The following ZSCAN25 variants were observed in gnomAD, a reference collection of about 807,000 sequenced individuals.
ZSCAN25 encodes zinc finger and SCAN domain containing 25, also known as zinc finger and SCAN domain-containing protein 25.
Under a neutral mutation model 38.7 loss-of-function variants are expected in ZSCAN25, and 27 were observed. The ratio of observed to expected loss-of-function variants is 0.70; its 90% CI spans 0.51 to 0.96. The LOEUF (loss-of-function observed/expected upper bound fraction) is 0.96. Among genes scored for constraint, ZSCAN25 ranks in the 40% least tolerant of loss-of-function variants. ZSCAN25 has a pLI of 0.00. For missense variants in ZSCAN25, 637 were observed against 705.9 expected (o/e 0.90, Z 1.11); for synonymous variants, 273 against 277.7 (o/e 0.98, Z 0.17).
chr7:99,648,594 C>T, the ZSCAN25 span, among the ~76,000 whole-genome samples: 2 of 151,890 alleles, frequency 1.3e-5, no homozygotes, highest in Non-Finnish European at 2.9e-5. Flanking sequence ...ACTCACCATC[C>T]ATCGTTTAAC....
At chr7:99,700,932 G>A in the ZSCAN25 span, among the ~76,000 whole-genome samples, 1 of 152,178 alleles carries the variant, frequency 6.6e-6, no homozygotes, top group African/African-American at 2.4e-5. Context: ...ATAATAGAAG[G>A]CATGTTCTGC....
the ZSCAN25 span, among the ~76,000 whole-genome samples, chr7:99,718,438 A>G: frequency 6.6e-6 from 1 of 151,548 alleles, no homozygotes; most frequent in African/African-American, 2.4e-5. Flanking sequence ...CATGCTTGAA[A>G]CTCTCTTTCA....
chr7:99,637,514 G>A, the ZSCAN25 span, among the ~76,000 whole-genome samples: 1 of 152,104 alleles, frequency 6.6e-6, no homozygotes, highest in Non-Finnish European at 1.5e-5. Flanking sequence ...TACGTTATGG[G>A]GAACTTGGGT....
chr7:99,674,652 G>A, the ZSCAN25 span: 10 of 1,387,806 alleles, frequency 7.2e-6, no homozygotes, highest in African/African-American at 2.9e-5. Flanking sequence ...CTCTAATTGG[G>A]GCTGAAAACA....
At chr7:99,651,642 C>T in the ZSCAN25 span, among the ~76,000 whole-genome samples, 1 of 152,144 alleles carries the variant, frequency 6.6e-6, no homozygotes, top group Non-Finnish European at 1.5e-5. Context: ...CAGGTAGGGG[C>T]TAATGAAAGT....
chr7:99,623,242 T>C (rs923059657), intron 6 of ZSCAN25, among the ~76,000 whole-genome samples: 1 of 152,226 alleles, frequency 6.6e-6, no homozygotes, highest in Non-Finnish European at 1.5e-5. Flanking sequence ...TTGGAAACTT[T>C]CCTGTCCCCT....
At chr7:99,719,804 C>G in the ZSCAN25 span, among the ~76,000 whole-genome samples, 1 of 152,040 alleles carries the variant, frequency 6.6e-6, no homozygotes, top group South Asian at 2.1e-4. Flanking sequence ...TCAAGACCAG[C>G]CTGGCCAATA....
chr7:99,655,240 T>C, the ZSCAN25 span, among the ~76,000 whole-genome samples: 1 of 152,244 alleles, frequency 6.6e-6, no homozygotes, highest in African/African-American at 2.4e-5. Flanking sequence ...TAATCCATCT[T>C]GAATTAATTT....
rs1806965501 is a variant in ZSCAN25, at chr7:99,621,579, G to GT, written c.589+6dup. ...CACGGGCCTTCCAGGAGCAAGGTGA[G>GT]TAAGACGCAGATAGTGGGGATGTCA... On this transcript the variant is annotated splice_donor_region_variant and intron_variant, in intron 5 of 7. Transcript: ENST00000394152. 2.8e-6 allele frequency: 4 copies of GT among 1,425,608 alleles called. No individual in the cohort carries two copies. Among genetic ancestry groups the GT allele is most frequent in the African/African-American group, 2.9e-5 (2 of 70,100 alleles). 88.3% of individuals were successfully genotyped at this position (1,425,608 alleles called of 1,614,324 possible).
chr7:99,624,026 C>G, intron 6 of ZSCAN25, 31 bp from the exon 7 acceptor site: 1 of 1,613,968 alleles, frequency 6.2e-7, no homozygotes, highest in Non-Finnish European at 8.5e-7. Context: ...AGGATTCTTT[C>G]TTTATTCATA....
the ZSCAN25 span, chr7:99,647,358 A>C: frequency 2.6e-6 from 1 of 389,040 alleles, no homozygotes; most frequent in Non-Finnish European, 3.5e-6. Context: ...CAACCCACCT[A>C]ATGGCTTTAG....
rs1178479653 is a variant in ZSCAN25, at chr7:99,621,406, A to G, written c.421A>G (p.Thr141Ala). ...CCACAGGCAGGGAGAGCAGGAGGAA[A>G]CAGCACTTTGCAGAGGCGCTTGGGA... ...PCHRQGEQEE[T>A]ALCRGAWEPG... Residue 141 changes from threonine to alanine, a missense_variant, in exon 5 of 8, where the codon ACA becomes GCA. Physicochemically the swap from Thr to Ala is moderately conservative, Grantham distance 58 (BLOSUM62 0). Transcript: ENST00000394152. The G allele has an allele frequency of 1.3e-6, 2 of 1,493,654 alleles. No individual in the cohort carries two copies. Among genetic ancestry groups the G allele is most frequent in the Non-Finnish European group, 1.8e-6 (2 of 1,111,158 alleles). The allele number at this position is 1,493,654 out of a possible 1,614,324, so 92.5% of individuals were successfully genotyped here. A position where few individuals can be genotyped will look rare whatever the true frequency, so the allele number is the denominator to read the frequency against.
the ZSCAN25 span, chr7:99,663,346 C>A: frequency 1.0e-6 from 1 of 993,666 alleles, no homozygotes; most frequent in Non-Finnish European, 1.2e-6. Context: ...TTCTCAAACT[C>A]TATATAATCT....
chr7:99,720,194 A>C, the ZSCAN25 span: 11 of 1,235,710 alleles, frequency 8.9e-6, no homozygotes, highest in Non-Finnish European at 1.3e-5. Flanking sequence ...GGGCAGGATG[A>C]AGTGTACATG....
chr7:99,660,575 G>C, the ZSCAN25 span: 1 of 1,613,964 alleles, frequency 6.2e-7, no homozygotes, highest in South Asian at 1.1e-5. Flanking sequence ...TTCATATAAA[G>C]TGAAGGAAAG....
the ZSCAN25 span, among the ~76,000 whole-genome samples, chr7:99,707,451 G>A: frequency 1.3e-5 from 2 of 152,186 alleles, no homozygotes; most frequent in African/African-American, 4.8e-5. Flanking sequence ...CAAGTTCTGG[G>A]AAGGAAGAGC....
chr7:99,646,262 A>G, the ZSCAN25 span, among the ~76,000 whole-genome samples: 87 of 152,280 alleles, frequency 5.7e-4, no homozygotes, highest in Non-Finnish European at 7.1e-4. Flanking sequence ...ATATCTTTCT[A>G]TGTTTTTGTG....
At chr7:99,691,710 T>A in the ZSCAN25 span, among the ~76,000 whole-genome samples, 3 of 152,216 alleles carry the variant, frequency 2.0e-5, no homozygotes, top group Non-Finnish European at 4.4e-5. Context: ...GAGAATAGGA[T>A]TGCAACCCCT....
chr7:99,693,117 C>A, the ZSCAN25 span, among the ~76,000 whole-genome samples: 1 of 152,282 alleles, frequency 6.6e-6, no homozygotes, highest in Non-Finnish European at 1.5e-5. Context: ...GATGCTATTT[C>A]TGTCTGTTAG....
Sources: allele counts gnomAD v4.1 joint callset (sites outside exome capture counted in the v4.1 genomes callset), GRCh38; gene constraint gnomAD v4.1.1; transcripts MANE v1.5; gene names NCBI Gene and HGNC (gene_info 2026-07-23, HGNC 2026-07-21).